MTMR2: variants seen among roughly 807,000 people sequenced by gnomAD.
The protein encoded by MTMR2 is phosphatidylinositol-3,5-bisphosphate 3-phosphatase MTMR2.
MTMR2 carries 55 observed loss-of-function variants against 86.9 expected under a neutral mutation model. That is an observed-to-expected ratio of 0.63 (90% CI 0.51 to 0.79). The LOEUF is 0.79. Among genes scored for constraint, MTMR2 ranks in the 30% least tolerant of loss-of-function variants. The probability of loss-of-function intolerance (pLI) is 0.00; values close to 1 mark genes in which losing one functional copy is unlikely to be tolerated. For missense variants in MTMR2, 659 were observed against 772.3 expected, an observed-to-expected ratio of 0.85 and a Z score of 1.74; for synonymous variants, 241 against 266.8, an observed-to-expected ratio of 0.90 and a Z score of 0.94.
At position 95,844,936 on chromosome 11, in the gene MTMR2, C is replaced by G. The variant is rs748602901; in HGVS notation, c.1386+17G>C. ...TGAATGCATGTGATATATCCAAAGT[C>G]AAGGTTCCTTACTTACTAGTTGAAA... is the stretch of plus-strand genomic sequence containing the variant. On this transcript the variant is annotated intron_variant, in intron 11 of 14. Transcript: ENST00000346299. The G allele has an allele frequency of 5.7e-6, 9 of 1,576,192 alleles. No homozygotes were observed. The highest frequency in any genetic ancestry group is 6.1e-6 in the Non-Finnish European group (7 of 1,148,660).
chr11:95,872,714 A>G (rs1591008836), intron 2 of MTMR2, among the ~76,000 whole-genome samples: 2 of 152,302 alleles, frequency 1.3e-5, no homozygotes, highest in East Asian at 3.9e-4. Flanking sequence ...GAATGCTTCC[A>G]GTTTTTGCCC....
At chr11:95,838,286 G>GAGGT in intron 12 of MTMR2, 79 bp from the exon 13 acceptor site, 1 of 798,456 alleles carries the variant, frequency 1.3e-6, no homozygotes, top group Non-Finnish European at 2.2e-6. Flanking sequence ...AGATCCTTTT[G>GAGGT]AGGTAGTATT....
At chr11:95,906,068 T>C (rs1866263054) in intron 1 of MTMR2, among the ~76,000 whole-genome samples, 1 of 152,010 alleles carries the variant, frequency 6.6e-6, no homozygotes, top group South Asian at 2.1e-4. Context: ...CCACTAAAAA[T>C]ACAAAAGTTA....
intron 11 of MTMR2, among the ~76,000 whole-genome samples, chr11:95,844,653 T>G (rs1385039731): frequency 1.3e-5 from 2 of 152,144 alleles, no homozygotes; most frequent in Non-Finnish European, 2.9e-5. Flanking sequence ...TCTAAAAGTT[T>G]TTCAATTATT....
At chr11:95,855,842 G>A (rs1202659706) in intron 7 of MTMR2, among the ~76,000 whole-genome samples, 1 of 152,118 alleles carries the variant, frequency 6.6e-6, no homozygotes, top group Non-Finnish European at 1.5e-5. Flanking sequence ...ATTCATTCAA[G>A]AGCCTACATC....
At chr11:95,875,983 G>A (rs908254415) in intron 2 of MTMR2, among the ~76,000 whole-genome samples, 13 of 152,122 alleles carry the variant, frequency 8.5e-5, no homozygotes, top group African/African-American at 2.9e-4. Context: ...AGAAGTACCC[G>A]GCCATGTGAG....
intron 1 of MTMR2, among the ~76,000 whole-genome samples, chr11:95,898,713 T>C (rs570788707): frequency 3.3e-5 from 5 of 152,134 alleles, no homozygotes; most frequent in African/African-American, 7.2e-5. Flanking sequence ...CACAATAATA[T>C]TGGGGAGAGA....
chr11:95,897,367 ATT>A (rs527946043), intron 1 of MTMR2, among the ~76,000 whole-genome samples: 123 of 152,232 alleles, frequency 8.1e-4, no homozygotes, highest in African/African-American at 3.0e-3. Context: ...CATATTTGAA[ATT>A]TTTTAGTATT....
At chr11:95,885,709 T>TA (rs1050959404) in intron 2 of MTMR2, among the ~76,000 whole-genome samples, 2 of 151,038 alleles carry the variant, frequency 1.3e-5, no homozygotes, top group Non-Finnish European at 3.0e-5. Flanking sequence ...CTCAAGGAGG[T>TA]AGAGTATAAC....
intron 1 of MTMR2, among the ~76,000 whole-genome samples, chr11:95,920,318 TTTTG>T (rs1166576874): frequency 1.3e-5 from 2 of 152,090 alleles, no homozygotes; most frequent in Non-Finnish European, 2.9e-5. Flanking sequence ...TTTTTTTTGT[TTTTG>T]TTTGAGATGG....
rs557705824 is a variant in MTMR2, at chr11:95,880,071, T to C, written c.186+8085A>G. Among the ~76,000 whole-genome samples the C allele has an allele frequency of 1.1e-4, 16 of 151,956 alleles. No homozygotes were observed. In the South Asian group the frequency reaches 3.3e-3, roughly 31 times the overall value. ...TTATATTTTATAAGTATTTTTATAA[T>C]AGAAAGCTATAATTCTTATATATAA... is the stretch of plus-strand genomic sequence containing the variant. On this transcript the variant is annotated intron_variant, in intron 2 of 14. Transcript: ENST00000346299.
chr11:95,851,701 G>A (rs1864029127), intron 7 of MTMR2, among the ~76,000 whole-genome samples: 1 of 152,172 alleles, frequency 6.6e-6, no homozygotes, highest in Non-Finnish European at 1.5e-5. Flanking sequence ...TCAGAAGTCA[G>A]GCACCAAGTG....
At chr11:95,861,592 T>A (rs1328876378) in intron 5 of MTMR2, among the ~76,000 whole-genome samples, 1 of 151,898 alleles carries the variant, frequency 6.6e-6, no homozygotes, top group African/African-American at 2.4e-5. Flanking sequence ...CCTGGTTAAT[T>A]TTTGTATTTT....
chr11:95,914,426 G>C (rs1251274508), intron 1 of MTMR2: 13 of 905,694 alleles, frequency 1.4e-5, no homozygotes, highest in Non-Finnish European at 1.7e-5. Context: ...GGAGGCTTTG[G>C]CAATTACTTG....
chr11:95,870,737 CT>C (rs1300942795), intron 2 of MTMR2, among the ~76,000 whole-genome samples: 36 of 124,988 alleles, frequency 2.9e-4, no homozygotes, highest in Non-Finnish European at 5.0e-4. Flanking sequence ...TTTTCTTTTT[CT>C]TTTTTTTTTT....
rs1863201819 is a variant in MTMR2 at position 95,835,110 on chromosome 11, TACTTC to T, written c.*175_*179del. ...ATAATCATGTAATTACATATGGAGTTACTTCACTTAAGCCACCTGCACTGCTACAG... is the reference window on the plus strand; with the variant it reads ...ATAATCATGTAATTACATATGGAGTTACTTAAGCCACCTGCACTGCTACAG... On this transcript the variant is annotated 3_prime_UTR_variant, in exon 15 of 15. Coordinates refer to ENST00000346299, the MANE Select transcript of MTMR2 (RefSeq NM_016156.6). 7.9e-6 allele frequency: 5 copies of T among 629,046 alleles called. No individual in the cohort carries two copies. The highest frequency in any genetic ancestry group is 1.1e-5 in the Non-Finnish European group (4 of 354,164). 39.0% of individuals were successfully genotyped at this position (629,046 alleles called of 1,614,324 possible).
intron 1 of MTMR2, among the ~76,000 whole-genome samples, chr11:95,900,592 A>G (rs1251772573): frequency 6.6e-6 from 1 of 151,822 alleles, no homozygotes; most frequent in African/African-American, 2.4e-5. Flanking sequence ...ACTTACCTAT[A>G]TCCAAACGCA....
intron 5 of MTMR2, among the ~76,000 whole-genome samples, chr11:95,860,626 G>A (rs1185403271): frequency 6.6e-6 from 1 of 152,140 alleles, no homozygotes; most frequent in Non-Finnish European, 1.5e-5. Context: ...TTTGGCACTG[G>A]CAGAATAAAA....
intron 1 of MTMR2, among the ~76,000 whole-genome samples, chr11:95,909,306 G>C (rs1295625461): frequency 6.6e-6 from 1 of 151,952 alleles, no homozygotes; most frequent in Non-Finnish European, 1.5e-5. Flanking sequence ...TTTTGCTGTT[G>C]TTTCATGTAG....
Sources: gnomAD v4.1 joint callset for allele counts (sites outside exome capture counted in the v4.1 genomes callset) on GRCh38, gnomAD v4.1.1 for gene constraint, MANE v1.5 for transcripts, NCBI Gene and HGNC (gene_info 2026-07-23, HGNC 2026-07-21) for gene names.